TXN: variants seen among roughly 807,000 people sequenced by gnomAD.
TXN encodes the protein thioredoxin, also known as ADF.
In TXN, 10 loss-of-function variants were observed where a neutral mutation model predicts 16.5. The ratio of observed to expected loss-of-function variants is 0.61; its 90% confidence interval spans 0.37 to 1.03. The LOEUF (loss-of-function observed/expected upper bound fraction) is 1.03. TXN is among the 50% of genes least tolerant of loss of function. The probability of loss-of-function intolerance (pLI) is 0.01; values close to 1 mark genes in which losing one functional copy is unlikely to be tolerated. For synonymous variants in TXN, 35 were observed against 39.4 expected, an observed-to-expected ratio of 0.89 and a Z score of 0.42; for missense variants, 71 against 122.5, an observed-to-expected ratio of 0.58 and a Z score of 1.98.
intron 3 of TXN, among the ~76,000 whole-genome samples, chr9:110,247,621 C>G (rs970906579): frequency 1.6e-4 from 24 of 152,146 alleles, no homozygotes; most frequent in African/African-American, 4.3e-4. Flanking sequence ...GCTTTACCTG[C>G]GGAATAGCCA....
chr9:110,252,770 G>A (rs867564418), intron 1 of TXN, among the ~76,000 whole-genome samples: 45 of 152,188 alleles, frequency 3.0e-4, no homozygotes, highest in African/African-American at 5.5e-4. Context: ...TCAGCCTCCT[G>A]AGTAGCTGGG....
chr9:110,251,442 C>T lies in TXN; in HGVS notation c.45G>A (p.Leu15=). ...IESKTAFQEA[L]DAAGDKLVVV... Reference sequence around the variant, plus strand: ...CTACAAGTTTATCACCTGCAGCGTCCAAGGCTTCCTGAAAAGCAGTCTAAC... The same window carrying T: ...CTACAAGTTTATCACCTGCAGCGTCTAAGGCTTCCTGAAAAGCAGTCTAAC... Residue 15 remains leucine (L), a synonymous_variant, in exon 2 of 5, where the codon TTG becomes TTA. Coordinates refer to ENST00000374517, the MANE Select transcript of TXN (RefSeq NM_003329.4). 1 of 1,611,432 alleles carries T rather than the reference C, an allele frequency of 6.2e-7. No homozygotes were observed. The highest frequency in any genetic ancestry group is 8.5e-7 in the Non-Finnish European group (1 of 1,179,442).
chr9:110,245,650 ATATATTTTTTT>A (rs1365923817), intron 3 of TXN, among the ~76,000 whole-genome samples: 1 of 24,642 alleles, frequency 4.1e-5, no homozygotes, highest in Non-Finnish European at 6.5e-5. Context: ...ATATATATAT[ATATATTTTTTT>A]TTTTTTTTTT....
intron 1 of TXN, among the ~76,000 whole-genome samples, chr9:110,253,931 G>C (rs1454044603): frequency 3.9e-5 from 6 of 152,194 alleles, no homozygotes; most frequent in Admixed American, 3.3e-4. Flanking sequence ...AGGAGCAAGA[G>C]TCTAAGATCT....
chr9:110,247,869 C>T (rs1837678278), intron 3 of TXN, among the ~76,000 whole-genome samples: 1 of 152,082 alleles, frequency 6.6e-6, no homozygotes, highest in African/African-American at 2.4e-5. Flanking sequence ...GCACTGTTAT[C>T]ATAGGAGATG....
chr9:110,254,992 T>C (rs2118584292), intron 1 of TXN, among the ~76,000 whole-genome samples: 1 of 152,306 alleles, frequency 6.6e-6, no homozygotes, highest in Non-Finnish European at 1.5e-5. Flanking sequence ...TTTCAACACA[T>C]GAGGGCTGCT....
chr9:110,245,618 C>CACACACACTATATATA (rs1425530609), intron 3 of TXN, among the ~76,000 whole-genome samples: 2 of 30,894 alleles, frequency 6.5e-5, no homozygotes, highest in African/African-American at 1.4e-4. Flanking sequence ...CACACACACA[C>CACACACACTATATATA]TATATATATA....
At chr9:110,255,161 C>T (rs1027650930) in intron 1 of TXN, among the ~76,000 whole-genome samples, 1 of 152,154 alleles carries the variant, frequency 6.6e-6, no homozygotes, top group Non-Finnish European at 1.5e-5. Flanking sequence ...CGAAGCCCAC[C>T]CGGCACCAAA....
At chr9:110,245,354 G>A (rs956306329) in intron 3 of TXN, among the ~76,000 whole-genome samples, 1 of 151,548 alleles carries the variant, frequency 6.6e-6, no homozygotes, top group Admixed American at 6.6e-5. Flanking sequence ...AAAATCAATT[G>A]TTCAAGAACA....
Position 110,252,223 on chromosome 9 carries a change from C to CAAAAAAGAAAAAAAAA in TXN, c.25-762_25-761insTTTTTTTTTCTTTTTT, listed in dbSNP as rs1554695822. 1.2e-4 allele frequency among the ~76,000 whole-genome samples: 7 copies of CAAAAAAGAAAAAAAAA among 58,396 alleles called. 2 individuals carry two copies. Among genetic ancestry groups the CAAAAAAGAAAAAAAAA allele is most frequent in the East Asian group, 6.4e-4 (1 of 1,558 alleles). 38.3% of individuals were successfully genotyped at this position (58,396 alleles called of 152,430 possible). A position where few individuals can be genotyped will look rare whatever the true frequency, so the allele number is the denominator to read the frequency against. ...TGGGCAATAGACGGAGACTCTGTCGCAAAAAAAAAAAAAAAAAAAAAAGCT... is the reference window on the plus strand; with the variant it reads ...TGGGCAATAGACGGAGACTCTGTCGCAAAAAAGAAAAAAAAAAAAAAAAAAAAAAAAAAAAAAAGCT... On this transcript the variant is annotated intron_variant, in intron 1 of 4. Transcript: ENST00000374517.
rs547265989 is a variant in TXN at position 110,254,563 on chromosome 9, A to G, written c.24+1849T>C. On this transcript the variant is annotated intron_variant, in intron 1 of 4. Coordinates refer to ENST00000374517, the MANE Select transcript of TXN (RefSeq NM_003329.4). ...AGACAAATAACAATCAAATTAGTGT[A>G]ACTTTCGATCAATGACTTTGGATTG... Among the ~76,000 whole-genome samples, 10 of 152,344 alleles carry G rather than the reference A, an allele frequency of 6.6e-5. No individual in the cohort carries two copies. In the South Asian group the frequency reaches 2.1e-3, roughly 32 times the overall value.
chr9:110,246,320 T>G (rs750396832), intron 3 of TXN, among the ~76,000 whole-genome samples: 22 of 152,190 alleles, frequency 1.4e-4, no homozygotes, highest in Non-Finnish European at 2.6e-4. Context: ...GCTAAAGATT[T>G]TTCTACAGCT....
At chr9:110,245,628 A>ACACAC (rs1188194432) in intron 3 of TXN, among the ~76,000 whole-genome samples, 4 of 20,702 alleles carry the variant, frequency 1.9e-4, no homozygotes, top group African/African-American at 1.2e-3. Flanking sequence ...CTATATATAT[A>ACACAC]TATATATATA....
At position 110,243,975 on chromosome 9, in the gene TXN, C is replaced by A; in HGVS notation, c.*182G>T. The A allele has an allele frequency of 3.1e-6, 1 of 322,884 alleles. No homozygotes were observed. Among genetic ancestry groups the A allele is most frequent in the East Asian group, 5.2e-5 (1 of 19,154 alleles). 20.0% of individuals were successfully genotyped at this position (322,884 alleles called of 1,614,324 possible). A position where few individuals can be genotyped will look rare whatever the true frequency, so the allele number is the denominator to read the frequency against. On this transcript the variant is annotated 3_prime_UTR_variant, in exon 5 of 5. Coordinates refer to ENST00000374517, the MANE Select transcript of TXN (RefSeq NM_003329.4). ...AATATAGGAAAATACATTAAATGAC[C>A]ATTTCACATTTATTTTGAAAGCTAT...
chr9:110,254,002 C>T (rs4135174), intron 1 of TXN, among the ~76,000 whole-genome samples: 2,428 of 152,138 alleles, frequency 0.016, 60 homozygotes, highest in African/African-American at 0.054. Flanking sequence ...AAGTACTTAG[C>T]CAAGTGCCTT....
rs779233971 is a variant in TXN at position 110,256,472 on chromosome 9, C to T, written c.-37G>A. The stretch of plus-strand genomic sequence containing the variant: ...GAGTCTGACGAGCGGCTGTAAGGAC[C>T]GATGGAAATGGATCCAAAGCACCAA... On this transcript the variant is annotated 5_prime_UTR_variant, in exon 1 of 5. Coordinates refer to ENST00000374517, the MANE Select transcript of TXN (RefSeq NM_003329.4). The surrounding 1 kb of genome is among the most constrained non-coding windows in gnomAD (Gnocchi z 4.2). 2.5e-6 allele frequency: 4 copies of T among 1,598,182 alleles called. No individual in the cohort carries two copies. The South Asian group carries it at 4.5e-5, about 18-fold the overall frequency.
intron 1 of TXN, among the ~76,000 whole-genome samples, chr9:110,255,272 C>T (rs756638546): frequency 6.6e-6 from 1 of 152,190 alleles, no homozygotes; most frequent in South Asian, 2.1e-4. Flanking sequence ...GGTCTTCTAC[C>T]GTTCGAGCAG....
In TXN at chr9:110,244,938, TC is replaced by T. The variant is rs1184138753; in HGVS notation, c.190-96del. 55 of 898,516 alleles carry T rather than the reference TC, an allele frequency of 6.1e-5. No individual in the cohort carries two copies. The East Asian group carries it at 1.3e-3, about 22-fold the overall frequency. The allele number at this position is 898,516 out of a possible 1,614,324, so 55.7% of individuals were successfully genotyped here. On this transcript the variant is annotated intron_variant, in intron 3 of 4. Transcript: ENST00000374517. ...ATCCAAAACCAGAAACTTTTCCCTG[TC>T]ATGTACCCCACATTTCCGCATGAGG...
chr9:110,250,309 C>T (rs189266680), intron 3 of TXN, among the ~76,000 whole-genome samples: 43 of 152,216 alleles, frequency 2.8e-4, no homozygotes, highest in Admixed American at 2.7e-3. Context: ...TACAACCAAC[C>T]CTGGAATTTC....
Sources: gnomAD v4.1 joint callset for allele counts (sites outside exome capture counted in the v4.1 genomes callset) on GRCh38, gnomAD v4.1.1 for gene constraint, Gnocchi (gnomAD v3.1) non-coding constraint, MANE v1.5 for transcripts, NCBI Gene and HGNC (gene_info 2026-07-23, HGNC 2026-07-21) for gene names.